The following UNC5D variants were observed in gnomAD, a reference collection of about 807,000 sequenced individuals.
UNC5D encodes netrin receptor UNC5D.
A neutral mutation model predicts 105.4 loss-of-function variants in UNC5D; 39 were observed. The observed-to-expected ratio is 0.37, with a 90% CI of 0.29 to 0.48. UNC5D has a LOEUF of 0.48. UNC5D is among the 20% of genes least tolerant of loss of function. UNC5D has a pLI of 0.98. For synonymous variants in UNC5D, 452 were observed against 450.4 expected (o/e 1.00, Z -0.04); for missense variants, 991 against 1,202.4 (o/e 0.82, Z 2.60).
chr8:35,249,073 T>G (rs1389296792), intron 1 of UNC5D, among the ~76,000 whole-genome samples: 2 of 119,178 alleles, frequency 1.7e-5, no homozygotes, highest in African/African-American at 6.6e-5. Context: ...ATATATATAA[T>G]ATATAAAAGT....
chr8:35,515,422 C>T (rs560619986), intron 1 of UNC5D, among the ~76,000 whole-genome samples: 4 of 152,188 alleles, frequency 2.6e-5, no homozygotes, highest in Admixed American at 6.5e-5. Context: ...TGGTGGCTCA[C>T]GCCTGTAATC....
intron 4 of UNC5D, among the ~76,000 whole-genome samples, chr8:35,665,022 C>T (rs973762201): frequency 2.6e-5 from 4 of 152,060 alleles, no homozygotes; most frequent in Non-Finnish European, 5.9e-5. Context: ...TTTATAGAGA[C>T]AGGGTCTTGT....
At chr8:35,712,900 T>G (rs1828041316) in intron 8 of UNC5D, among the ~76,000 whole-genome samples, 1 of 152,162 alleles carries the variant, frequency 6.6e-6, no homozygotes, top group Non-Finnish European at 1.5e-5. Context: ...TTTTTCCTAT[T>G]TTTTGTCCAT....
chr8:35,298,837 G>C (rs1038295127), intron 1 of UNC5D, among the ~76,000 whole-genome samples: 2 of 152,158 alleles, frequency 1.3e-5, no homozygotes, highest in Non-Finnish European at 2.9e-5. Flanking sequence ...CTTATTAAGA[G>C]AAGTGGTACT....
chr8:35,370,944 C>G (rs1802396345), intron 1 of UNC5D, among the ~76,000 whole-genome samples: 1 of 152,092 alleles, frequency 6.6e-6, no homozygotes, highest in Admixed American at 6.5e-5. Flanking sequence ...TAGTTTAAAG[C>G]TGGGTATGGT....
Position 35,704,407 on chromosome 8 carries a change from G to A in UNC5D, c.1085-1522G>A, listed in dbSNP as rs138001275. Among the ~76,000 whole-genome samples, 5 of 152,302 alleles carry A rather than the reference G, an allele frequency of 3.3e-5. No homozygotes were observed. The East Asian group carries it at 5.8e-4, about 18-fold the overall frequency. ...TCAGAATAGAGCTGTGTTGATCTGC[G>A]TGGGAAGGGTGATGGTGCAGTCAGT... On this transcript the variant is annotated intron_variant, in intron 7 of 16. Coordinates refer to ENST00000404895, the MANE Select transcript of UNC5D (RefSeq NM_080872.4).
chr8:35,611,691 G>A (rs1661211713), intron 4 of UNC5D, among the ~76,000 whole-genome samples: 1 of 152,162 alleles, frequency 6.6e-6, no homozygotes, highest in African/African-American at 2.4e-5. Context: ...TGTCACTGCA[G>A]TTATTTTTAG....
At chr8:35,694,328 G>A (rs570098659) in intron 7 of UNC5D, among the ~76,000 whole-genome samples, 2 of 152,232 alleles carry the variant, frequency 1.3e-5, no homozygotes, top group African/African-American at 4.8e-5. Context: ...AAGCTCCTTT[G>A]TGACTGAGTT....
chr8:35,290,722 G>T (rs1345050240), intron 1 of UNC5D, among the ~76,000 whole-genome samples: 1 of 152,114 alleles, frequency 6.6e-6, no homozygotes, highest in Non-Finnish European at 1.5e-5. Context: ...GCCAAGGCGG[G>T]CGGATCACCT....
rs1205074083 is a variant in UNC5D, at chr8:35,508,752, C to G, written c.104-40540C>G. Among the ~76,000 whole-genome samples the G allele has an allele frequency of 3.9e-5, 6 of 152,300 alleles. No individual in the cohort carries two copies. The East Asian group carries it at 1.2e-3, about 29-fold the overall frequency. On this transcript the variant is annotated intron_variant, in intron 1 of 16. Coordinates refer to ENST00000404895, the MANE Select transcript of UNC5D (RefSeq NM_080872.4). ...TGGAATGCCAGCTAAGCACTAAGCC[C>G]TTTAATTACACACACTGGTGATAAG...
intron 1 of UNC5D, among the ~76,000 whole-genome samples, chr8:35,260,362 G>A (rs967170849): frequency 4.6e-5 from 7 of 152,194 alleles, no homozygotes; most frequent in Non-Finnish European, 8.8e-5. Flanking sequence ...TACTGACTCA[G>A]GCTTCATTGG....
At chr8:35,533,716 C>A (rs1814597169) in intron 1 of UNC5D, among the ~76,000 whole-genome samples, 1 of 152,222 alleles carries the variant, frequency 6.6e-6, no homozygotes, top group Non-Finnish European at 1.5e-5. Flanking sequence ...GGGCGTAGGA[C>A]CCTCCGAGCC....
intron 11 of UNC5D, among the ~76,000 whole-genome samples, chr8:35,731,564 T>C (rs562007860): frequency 6.6e-6 from 1 of 152,186 alleles, no homozygotes; most frequent in East Asian, 1.9e-4. Flanking sequence ...GCAAAACTAC[T>C]GGCTGAAATG....
intron 4 of UNC5D, among the ~76,000 whole-genome samples, chr8:35,617,075 G>T (rs188732450): frequency 1.3e-5 from 2 of 152,180 alleles, no homozygotes; most frequent in Non-Finnish European, 2.9e-5. Flanking sequence ...TCCATGAAGC[G>T]CACCACACAC....
At chr8:35,297,210 C>G (rs779934464) in intron 1 of UNC5D, among the ~76,000 whole-genome samples, 1 of 152,194 alleles carries the variant, frequency 6.6e-6, no homozygotes, top group South Asian at 2.1e-4. Context: ...TGTTTTATAT[C>G]TCTCACTTTC....
At position 35,561,305 on chromosome 8, in the gene UNC5D, C is replaced by A. The variant is rs1281835181; in HGVS notation, c.323-6793C>A. ...GCCCACTGACATTATGCAAGCTAGC[C>A]AATCCCAGCATATTGTTTCTTCCCA... On this transcript the variant is annotated intron_variant, in intron 2 of 16. Transcript: ENST00000404895. 2.0e-5 allele frequency among the ~76,000 whole-genome samples: 3 copies of A among 152,126 alleles called. No individual in the cohort carries two copies. The South Asian group carries it at 6.2e-4, about 32-fold the overall frequency.
At chr8:35,718,134 A>AT (rs1298894337) in intron 8 of UNC5D, among the ~76,000 whole-genome samples, 2 of 151,624 alleles carry the variant, frequency 1.3e-5, no homozygotes, top group African/African-American at 2.4e-5. Context: ...GTAGACAGTA[A>AT]TTTTTTCTAC....
At chr8:35,576,883 G>C (rs1317692077) in intron 3 of UNC5D, among the ~76,000 whole-genome samples, 2 of 152,148 alleles carry the variant, frequency 1.3e-5, no homozygotes, top group African/African-American at 4.8e-5. Flanking sequence ...AAAGTGCTAG[G>C]ATTACAGGCA....
intron 1 of UNC5D, among the ~76,000 whole-genome samples, chr8:35,490,192 G>A (rs139081973): frequency 6.2e-4 from 94 of 152,186 alleles, no homozygotes; most frequent in Non-Finnish European, 8.5e-4. Flanking sequence ...GTACAGAAAT[G>A]TCTTCTTTTG....
Sources: gnomAD v4.1 joint callset for allele counts (sites outside exome capture counted in the v4.1 genomes callset) on GRCh38, gnomAD v4.1.1 for gene constraint, MANE v1.5 for transcripts, NCBI Gene and HGNC (gene_info 2026-07-23, HGNC 2026-07-21) for gene names.